The following ESRRG variants were observed in gnomAD, a reference collection of about 807,000 sequenced individuals.
ESRRG encodes estrogen-related receptor gamma.
In ESRRG, 13 loss-of-function variants were observed where a neutral mutation model predicts 44.0. The observed-to-expected ratio is 0.30, with a 90% confidence interval of 0.19 to 0.47. The LOEUF is 0.47. ESRRG is among the 20% of genes least tolerant of loss of function. ESRRG has a pLI of 1.00. For synonymous variants in ESRRG, 215 were observed against 214.6 expected (o/e 1.00, Z -0.02); for missense variants, 395 against 580.6 (o/e 0.68, Z 3.29).
At chr1:216,914,074 C>A (rs1275304419) in intron 2 of ESRRG, among the ~76,000 whole-genome samples, 1 of 152,022 alleles carries the variant, frequency 6.6e-6, no homozygotes, top group Non-Finnish European at 1.5e-5. Context: ...ATTTCAAGTT[C>A]TTAAAAATCA....
At chr1:216,933,327 G>A (rs1199570775) in intron 2 of ESRRG, among the ~76,000 whole-genome samples, 1 of 151,994 alleles carries the variant, frequency 6.6e-6, no homozygotes, top group Non-Finnish European at 1.5e-5. Flanking sequence ...CTTTTCTAAT[G>A]TAGCCCTGCC....
At chr1:217,034,609 G>A (rs1031016740) in intron 1 of ESRRG, among the ~76,000 whole-genome samples, 2 of 152,158 alleles carry the variant, frequency 1.3e-5, no homozygotes, top group African/African-American at 4.8e-5. Flanking sequence ...GGCAATCACT[G>A]CTTCCCATGA....
intron 1 of ESRRG, among the ~76,000 whole-genome samples, chr1:217,083,228 A>G (rs1049425337): frequency 3.9e-5 from 6 of 152,240 alleles, no homozygotes; most frequent in Non-Finnish European, 1.5e-5. Context: ...AAGTGTTTTA[A>G]ATATCTACTA....
intron 5 of ESRRG, among the ~76,000 whole-genome samples, chr1:216,524,194 C>G (rs1448812430): frequency 7.1e-6 from 1 of 141,284 alleles, no homozygotes; most frequent in Non-Finnish European, 1.5e-5. Context: ...AAATACACAG[C>G]TCAGGGGCTT....
intron 2 of ESRRG, among the ~76,000 whole-genome samples, chr1:216,830,481 T>C (rs1444488110): frequency 6.6e-6 from 1 of 152,172 alleles, no homozygotes; most frequent in African/African-American, 2.4e-5. Flanking sequence ...CACAGCCCTC[T>C]CGCTTTGAGA....
At chr1:216,697,974 C>T (rs2080520546) in intron 1 of ESRRG, among the ~76,000 whole-genome samples, 1 of 152,178 alleles carries the variant, frequency 6.6e-6, no homozygotes, top group Non-Finnish European at 1.5e-5. Context: ...ATGAACACTT[C>T]TCAGCCTCAG....
At chr1:216,915,840 C>T (rs942495844) in intron 2 of ESRRG, among the ~76,000 whole-genome samples, 2 of 152,222 alleles carry the variant, frequency 1.3e-5, no homozygotes, top group Non-Finnish European at 2.9e-5. Context: ...TCCTTCTTCA[C>T]ACACTGTACT....
At chr1:217,127,753 T>G (rs1213641793) in intron 1 of ESRRG, among the ~76,000 whole-genome samples, 3 of 152,176 alleles carry the variant, frequency 2.0e-5, no homozygotes, top group Non-Finnish European at 4.4e-5. Flanking sequence ...TAGTACCTAC[T>G]TTGTGGAACT....
chr1:217,079,072 A>G (rs1414433475), intron 1 of ESRRG, among the ~76,000 whole-genome samples: 1 of 152,200 alleles, frequency 6.6e-6, no homozygotes, highest in African/African-American at 2.4e-5. Context: ...CTTAACATAG[A>G]AGAGAGTGAA....
chr1:217,130,681 T>C (rs1034947435), intron 1 of ESRRG, among the ~76,000 whole-genome samples: 3 of 152,232 alleles, frequency 2.0e-5, no homozygotes, highest in African/African-American at 4.8e-5. Context: ...TTAAAAATAA[T>C]TGAATATTAA....
chr1:217,098,985 CT>C (rs2092465299), intron 1 of ESRRG, among the ~76,000 whole-genome samples: 1 of 152,176 alleles, frequency 6.6e-6, no homozygotes. Context: ...CTGCTTTATT[CT>C]TTTCCCCCAT....
At chr1:216,534,876 G>A (rs552726742) in intron 5 of ESRRG, among the ~76,000 whole-genome samples, 17 of 152,250 alleles carry the variant, frequency 1.1e-4, no homozygotes, top group South Asian at 6.2e-4. Context: ...ATGTTGGCTC[G>A]TTTCACGAAT....
At chr1:216,960,519 T>C (rs2068823150) in intron 1 of ESRRG, among the ~76,000 whole-genome samples, 1 of 152,190 alleles carries the variant, frequency 6.6e-6, no homozygotes, top group Non-Finnish European at 1.5e-5. Context: ...ATACTATCTA[T>C]AGTCCTCTCT....
intron 2 of ESRRG, among the ~76,000 whole-genome samples, chr1:216,737,337 G>A (rs1276620688): frequency 1.3e-5 from 2 of 152,136 alleles, no homozygotes; most frequent in African/African-American, 4.8e-5. Context: ...GGGCTGGTGG[G>A]TTAAAGTCTT....
At chr1:216,660,958 C>T (rs1387370434) in intron 2 of ESRRG, among the ~76,000 whole-genome samples, 1 of 147,564 alleles carries the variant, frequency 6.8e-6, no homozygotes, top group Non-Finnish European at 1.5e-5. Flanking sequence ...TGTTCTTGTT[C>T]CTGATGGGAA....
chr1:216,570,879 C>T (rs2060653228), intron 3 of ESRRG, among the ~76,000 whole-genome samples: 1 of 152,180 alleles, frequency 6.6e-6, no homozygotes, highest in African/African-American at 2.4e-5. Flanking sequence ...GGAATGTATT[C>T]ACTGTTAGCA....
rs370869407 is a variant in ESRRG, at chr1:217,011,524, T to C, written c.-105-71851A>G. Among the ~76,000 whole-genome samples the C allele has an allele frequency of 1.6e-4, 24 of 152,326 alleles. No homozygotes were observed. In the South Asian group the frequency reaches 3.5e-3, roughly 22 times the overall value. ...CTTCCTCTACACATTAGCTAATTAG[T>C]TGGCTGCCTACATGCAAAGCATTTG... On this transcript the variant is annotated intron_variant, in intron 1 of 7. Coordinates refer to the ESRRG transcript ENST00000359162.
Position 216,579,050 on chromosome 1 carries a change from A to G in ESRRG, c.590-10952T>C, listed in dbSNP as rs533690066. Among the ~76,000 whole-genome samples the G allele has an allele frequency of 2.7e-4, 41 of 152,286 alleles. No homozygotes were observed. In the South Asian group the frequency reaches 8.3e-3, roughly 31 times the overall value. On this transcript the variant is annotated intron_variant, in intron 3 of 6. Coordinates refer to ENST00000408911, the MANE Select transcript of ESRRG (RefSeq NM_001438.4). ...GAACACAAATATGAAAATACTATAGATTACAGACACACTAAATAAGCAATG... is the reference window on the plus strand; with the variant it reads ...GAACACAAATATGAAAATACTATAGGTTACAGACACACTAAATAAGCAATG...
intron 2 of ESRRG, among the ~76,000 whole-genome samples, chr1:216,842,491 T>A (rs534040718): frequency 6.6e-6 from 1 of 152,308 alleles, no homozygotes; most frequent in South Asian, 2.1e-4. Context: ...AGATTCCATT[T>A]GTCTTCAGAG....
Sources: allele counts gnomAD v4.1 joint callset (sites outside exome capture counted in the v4.1 genomes callset), GRCh38; gene constraint gnomAD v4.1.1; transcripts MANE v1.5; gene names NCBI Gene and HGNC (gene_info 2026-07-23, HGNC 2026-07-21).